PTPN21: variants seen among roughly 807,000 people sequenced by gnomAD.
PTPN21 encodes tyrosine-protein phosphatase non-receptor type 21.
PTPN21 carries 77 observed loss-of-function variants against 131.8 expected under a neutral mutation model. The ratio of observed to expected loss-of-function variants is 0.58; its 90% CI spans 0.49 to 0.71. The LOEUF is 0.71. PTPN21 is among the 30% of genes least tolerant of loss of function. The pLI is 0.00. For synonymous variants in PTPN21, 715 were observed against 621.3 expected, an observed-to-expected ratio of 1.15 and a Z score of -2.24; for missense variants, 1,552 against 1,527.1, an observed-to-expected ratio of 1.02 and a Z score of -0.27.
intron 1 of PTPN21, among the ~76,000 whole-genome samples, chr14:88,550,905 T>C (rs1445779207): frequency 6.6e-6 from 1 of 152,212 alleles, no homozygotes; most frequent in African/African-American, 2.4e-5. Context: ...AATTTTGTAG[T>C]TAGTAATTGT....
intron 3 of PTPN21, among the ~76,000 whole-genome samples, chr14:88,510,726 G>C (rs1021598019): frequency 2.0e-5 from 3 of 152,060 alleles, no homozygotes; most frequent in African/African-American, 7.2e-5. Context: ...ACAAAATAGA[G>C]ATAATAGCAC....
rs149587240 is a variant in PTPN21, at chr14:88,492,345, C to T, written c.932+4068G>A. Among the ~76,000 whole-genome samples, 11 of 152,276 alleles carry T rather than the reference C, an allele frequency of 7.2e-5. No homozygotes were observed. The East Asian group carries it at 1.9e-3, about 27-fold the overall frequency. ...ATAACCAGGCCAGCCCCAGGGAACC[C>T]CAAAGGCAAGTAGCACTACTGAATA... On this transcript the variant is annotated intron_variant, in intron 10 of 18. Coordinates refer to ENST00000556564, the MANE Select transcript of PTPN21 (RefSeq NM_007039.4).
chr14:88,525,420 T>C (rs2078459965), intron 2 of PTPN21, among the ~76,000 whole-genome samples: 1 of 152,140 alleles, frequency 6.6e-6, no homozygotes, highest in Non-Finnish European at 1.5e-5. Flanking sequence ...TACACACTTT[T>C]TGAAAAAAGA....
At chr14:88,476,575 A>G (rs1047333033) in intron 13 of PTPN21, among the ~76,000 whole-genome samples, 1 of 152,176 alleles carries the variant, frequency 6.6e-6, no homozygotes, top group African/African-American at 2.4e-5. Context: ...TGCATGTGGG[A>G]CATAATGCCA....
intron 2 of PTPN21, among the ~76,000 whole-genome samples, chr14:88,532,639 T>A: frequency 6.6e-6 from 1 of 152,196 alleles, no homozygotes; most frequent in East Asian, 1.9e-4. Context: ...TTATACATAC[T>A]TTTAATGAGT....
intron 2 of PTPN21, among the ~76,000 whole-genome samples, chr14:88,527,887 C>G (rs2078502922): frequency 6.6e-6 from 1 of 152,102 alleles, no homozygotes; most frequent in Admixed American, 6.6e-5. Context: ...GTCAATTATC[C>G]CAGCACCATT....
intron 15 of PTPN21, among the ~76,000 whole-genome samples, chr14:88,472,017 T>C (rs1056246714): frequency 2.6e-5 from 4 of 152,220 alleles, no homozygotes; most frequent in African/African-American, 9.6e-5. Context: ...GACATGACTT[T>C]GGCTCTGTCT....
intron 2 of PTPN21, among the ~76,000 whole-genome samples, chr14:88,527,120 T>G (rs895423666): frequency 6.6e-6 from 1 of 152,256 alleles, no homozygotes; most frequent in Non-Finnish European, 1.5e-5. Flanking sequence ...TAAACATGTG[T>G]GTGCAAATGT....
intron 2 of PTPN21, among the ~76,000 whole-genome samples, chr14:88,522,948 A>ATTTT (rs35795303): frequency 1.4e-5 from 2 of 147,874 alleles, no homozygotes; most frequent in African/African-American, 4.9e-5. Context: ...GGGTAAGACC[A>ATTTT]TTTTTTTTTT....
chr14:88,542,178 GAT>G (rs1385761890), intron 2 of PTPN21, among the ~76,000 whole-genome samples: 1 of 152,162 alleles, frequency 6.6e-6, no homozygotes, highest in Non-Finnish European at 1.5e-5. Flanking sequence ...AAATGGAAAA[GAT>G]AATACAACGC....
At chr14:88,534,139 A>T (rs1322031151) in intron 2 of PTPN21, among the ~76,000 whole-genome samples, 7 of 151,416 alleles carry the variant, frequency 4.6e-5, no homozygotes, top group African/African-American at 1.7e-4. Context: ...TGGGAGGCCA[A>T]GGTGAGTGGA....
rs546660987 is a variant in PTPN21 at position 88,525,358 on chromosome 14, T to C, written c.181-8097A>G. On this transcript the variant is annotated intron_variant, in intron 2 of 18. Transcript: ENST00000556564. ...GGTCTACTACTTGAAACGTATAAAATGACTCTTACATACAGAAAGAAACAA... is the reference window on the plus strand; with the variant it reads ...GGTCTACTACTTGAAACGTATAAAACGACTCTTACATACAGAAAGAAACAA... Among the ~76,000 whole-genome samples, 494 of 151,982 alleles carry C rather than the reference T, an allele frequency of 3.3e-3. 2 individuals are homozygous for C. Among genetic ancestry groups the C allele is most frequent in the Non-Finnish European group, 6.2e-3 (422 of 67,984 alleles).
intron 2 of PTPN21, among the ~76,000 whole-genome samples, chr14:88,538,265 T>C (rs1052476849): frequency 6.6e-6 from 1 of 152,212 alleles, no homozygotes; most frequent in South Asian, 2.1e-4. Context: ...TGCCTCTACC[T>C]TTCTCCTTGC....
At chr14:88,551,059 C>T (rs1473831736) in intron 1 of PTPN21, among the ~76,000 whole-genome samples, 1 of 152,138 alleles carries the variant, frequency 6.6e-6, no homozygotes, top group Non-Finnish European at 1.5e-5. Flanking sequence ...AGTCCCAATC[C>T]CTTTAGAAAA....
At position 88,479,859 on chromosome 14, in the gene PTPN21, G is replaced by T. The variant is rs1237613259; in HGVS notation, c.1572C>A (p.Tyr524Ter). ...LSYSFHSPSP[Y>*]PYPAERRPVV... ...CGGGCCGCCGCTCGGCAGGGTAGGG[G>T]TAGGGAGACGGGCTGTGGAAGCTGT... The change falls in exon 13 of 19, where the codon TAC becomes TAA. Residue 524 changes from tyrosine (Y) to a stop codon, truncating the protein, a stop_gained. Coordinates refer to ENST00000556564, the MANE Select transcript of PTPN21 (RefSeq NM_007039.4). LOFTEE classifies it high-confidence loss of function. 3.8e-6 allele frequency: 6 copies of T among 1,570,074 alleles called. No individual in the cohort carries two copies. The highest frequency in any genetic ancestry group is 1.3e-5 in the African/African-American group (1 of 74,588).
intron 2 of PTPN21, among the ~76,000 whole-genome samples, chr14:88,546,896 G>A (rs557084336): frequency 6.6e-6 from 1 of 152,214 alleles, no homozygotes; most frequent in African/African-American, 2.4e-5. Flanking sequence ...AGAGCTTCTG[G>A]GGCTTTCAAA....
At chr14:88,497,361 G>A in intron 8 of PTPN21, 71 bp from the exon 9 acceptor site, 1 of 1,247,140 alleles carries the variant, frequency 8.0e-7, no homozygotes, top group Non-Finnish European at 1.2e-6. Flanking sequence ...GAATACACAA[G>A]TTTTCCCTAA....
intron 3 of PTPN21, among the ~76,000 whole-genome samples, chr14:88,516,490 T>G (rs570942320): frequency 3.1e-4 from 47 of 152,194 alleles, no homozygotes; most frequent in African/African-American, 1.1e-3. Flanking sequence ...GAACTCAAAT[T>G]TTATTCCTTT....
At chr14:88,507,216 T>C (rs1179082162) in intron 4 of PTPN21, among the ~76,000 whole-genome samples, 2 of 152,178 alleles carry the variant, frequency 1.3e-5, no homozygotes, top group Admixed American at 6.5e-5. Flanking sequence ...ATATCTTTCT[T>C]CTTAAAATAT....
Sources: allele counts gnomAD v4.1 joint callset (sites outside exome capture counted in the v4.1 genomes callset), GRCh38; gene constraint gnomAD v4.1.1; transcripts MANE v1.5; gene names NCBI Gene and HGNC (gene_info 2026-07-23, HGNC 2026-07-21).